Variants in IKBIP observed in about 807,000 individuals in gnomAD.
IKBIP encodes inhibitor of nuclear factor kappa-B kinase-interacting protein.
Under a neutral mutation model 31.0 loss-of-function variants are expected in IKBIP, and 28 were observed. The ratio of observed to expected loss-of-function variants is 0.90; its 90% CI spans 0.67 to 1.24. The LOEUF is 1.24. Ranked by LOEUF, IKBIP falls within the 50% of genes most tolerant of loss-of-function variation. The pLI is 0.00. For missense variants in IKBIP, 453 were observed against 441.9 expected (o/e 1.03, Z -0.23); for synonymous variants, 164 against 160.3 (o/e 1.02, Z -0.17).
intron 2 of IKBIP, among the ~76,000 whole-genome samples, chr12:98,627,668 G>A (rs992465580): frequency 1.1e-4 from 17 of 152,008 alleles, no homozygotes; most frequent in African/African-American, 3.9e-4. Flanking sequence ...TCGATCCCCT[G>A]ACCTCGTGAT....
intron 1 of IKBIP, among the ~76,000 whole-genome samples, chr12:98,637,699 G>A (rs977900650): frequency 1.3e-5 from 2 of 150,926 alleles, no homozygotes; most frequent in African/African-American, 2.4e-5. Flanking sequence ...GAGCCACCGC[G>A]CCCGGCTTTT....
chr12:98,622,846 A>G (rs1201192493), downstream of IKBIP, among the ~76,000 whole-genome samples: 1 of 152,082 alleles, frequency 6.6e-6, no homozygotes, highest in East Asian at 1.9e-4. Context: ...TAATTAGTCA[A>G]TAGTTTCTGA....
At position 98,613,958 on chromosome 12, in the gene IKBIP, G is replaced by A. The variant is rs199829512; in HGVS notation, c.680C>T (p.Thr227Met). 5.0e-5 allele frequency: 81 copies of A among 1,613,502 alleles called. 1 individual carries two copies. Among genetic ancestry groups the A allele is most frequent in the South Asian group, 4.7e-4 (43 of 90,906 alleles). The change falls in exon 3 of 3, where the codon ACG (threonine) becomes ATG (methionine). Residue 227 changes from threonine (T) to methionine (M), a missense_variant. Coordinates refer to the IKBIP transcript ENST00000342502. ...ATTTTCAGATGCTGTCTTTCGGAGC[G>A]TTGCTGTTCGATCAATACTGCTTGA...
intron 1 of IKBIP, among the ~76,000 whole-genome samples, chr12:98,642,941 T>C (rs1480640585): frequency 1.3e-5 from 2 of 150,958 alleles, no homozygotes; most frequent in African/African-American, 4.9e-5. Flanking sequence ...AATCACTTTA[T>C]TGTGACAAAA....
rs560483393 is a variant in IKBIP at position 98,633,724 on chromosome 12, C to T, written c.297+572G>A. 4.6e-5 allele frequency among the ~76,000 whole-genome samples: 7 copies of T among 152,002 alleles called. No homozygotes were observed. The South Asian group carries it at 1.5e-3, about 32-fold the overall frequency. The stretch of plus-strand genomic sequence containing the variant: ...AGAGATGGGGTTTCACCATGTTGGC[C>T]AGGCTGGTCTCCTAACTCCTGACCT... On this transcript the variant is annotated intron_variant, in intron 2 of 2. Coordinates refer to ENST00000299157, the MANE Select transcript of IKBIP (RefSeq NM_153687.4).
intron 2 of IKBIP, among the ~76,000 whole-genome samples, chr12:98,633,771 C>A (rs1388371448): frequency 6.6e-6 from 1 of 152,074 alleles, no homozygotes; most frequent in Non-Finnish European, 1.5e-5. Flanking sequence ...CCTGGCTCAG[C>A]CTCCCACAGT....
downstream of IKBIP, among the ~76,000 whole-genome samples, chr12:98,622,102 TG>T (rs201252061): frequency 0.013 from 1,982 of 150,238 alleles, 14 homozygotes; most frequent in Middle Eastern, 0.018. Flanking sequence ...GGAATGATTA[TG>T]ATGAATGTAC....
chr12:98,615,904 CACTT>C (rs1407288535), intron 2 of IKBIP, among the ~76,000 whole-genome samples: 1 of 151,904 alleles, frequency 6.6e-6, no homozygotes, highest in Non-Finnish European at 1.5e-5. Context: ...TGTTGATTGA[CACTT>C]AGGTTGATTC....
Position 98,618,625 on chromosome 12 carries a change from C to CCA in IKBIP, c.298-4286_298-4285insTG, listed in dbSNP as rs777026078. ...TGGGCGACAGAGCCAGACTCTGTCTCAAAAAAAAAAAAAAAAATTTGAGAT... is the reference window on the plus strand; with the variant it reads ...TGGGCGACAGAGCCAGACTCTGTCTCCAAAAAAAAAAAAAAAAAATTTGAGAT... On this transcript the variant is annotated intron_variant, in intron 2 of 2. Coordinates refer to the IKBIP transcript ENST00000342502. 1.9e-3 allele frequency among the ~76,000 whole-genome samples: 240 copies of CCA among 126,852 alleles called. 1 individual carries two copies. Among genetic ancestry groups the CCA allele is most frequent in the African/African-American group, 6.4e-3 (222 of 34,490 alleles). The allele number at this position is 126,852 out of a possible 152,430, so 83.2% of individuals were successfully genotyped here.
rs1367694059 is a variant in IKBIP at position 98,625,373 on chromosome 12, C to G, written c.*557G>C. 11 of 796,860 alleles carry G rather than the reference C, an allele frequency of 1.4e-5. No individual in the cohort carries two copies. The highest frequency in any genetic ancestry group is 1.5e-5 in the Non-Finnish European group (10 of 658,066). 49.4% of individuals were successfully genotyped at this position (796,860 alleles called of 1,614,324 possible). A position where few individuals can be genotyped will look rare whatever the true frequency, so the allele number is the denominator to read the frequency against. On this transcript the variant is annotated 3_prime_UTR_variant, in exon 3 of 3. Coordinates refer to ENST00000299157, the MANE Select transcript of IKBIP (RefSeq NM_153687.4). ...TAATTCATAGCAAAGGCACCAGGCTCTCCCTCAGGCATGTTATCTTTTATT... is the reference window on the plus strand; with the variant it reads ...TAATTCATAGCAAAGGCACCAGGCTGTCCCTCAGGCATGTTATCTTTTATT...
chr12:98,642,764 C>A (rs2097631738), intron 1 of IKBIP, among the ~76,000 whole-genome samples: 1 of 150,740 alleles, frequency 6.6e-6, no homozygotes, highest in Non-Finnish European at 1.5e-5. Flanking sequence ...CCATGCCTGG[C>A]TTTTTTGTAT....
chr12:98,626,776 T>C lies in IKBIP; in HGVS notation c.298-10A>G. 1 of 1,577,606 alleles carries C rather than the reference T, an allele frequency of 6.3e-7. No homozygotes were observed. The highest frequency in any genetic ancestry group is 8.6e-7 in the Non-Finnish European group (1 of 1,161,992). The stretch of plus-strand genomic sequence containing the variant: ...TTTCAGTAGACTCAAGCTGCATTTA[T>C]AACACAAAACAATTCCCAAGGCTAC... On this transcript the variant is annotated splice_polypyrimidine_tract_variant and intron_variant, in intron 2 of 2. Transcript: ENST00000299157.
chr12:98,637,448 C>T (rs191702237), intron 1 of IKBIP, among the ~76,000 whole-genome samples: 19 of 152,274 alleles, frequency 1.2e-4, no homozygotes, highest in African/African-American at 3.6e-4. Flanking sequence ...CTCACTCTGT[C>T]ACCAGGCTGG....
Position 98,626,549 on chromosome 12 carries a change from A to G in IKBIP, c.515T>C (p.Ile172Thr). ...SLEEMNINTD[I>T]FKSEAKHIHS... ...TATATGTTTTGCTTCTGATTTGAAA[A>G]TGTCTGTATTAATGTTCATTTCTTC... Residue 172 changes from isoleucine (I) to threonine (T), a missense_variant, in exon 3 of 3, where the codon ATT (isoleucine) becomes ACT (threonine). Transcript: ENST00000299157. 2.5e-6 allele frequency: 4 copies of G among 1,612,982 alleles called. No homozygotes were observed. Among genetic ancestry groups the G allele is most frequent in the Non-Finnish European group, 3.4e-6 (4 of 1,179,484 alleles).
downstream of IKBIP, among the ~76,000 whole-genome samples, chr12:98,623,869 T>C (rs1466281080): frequency 6.6e-6 from 1 of 151,162 alleles, no homozygotes; most frequent in Non-Finnish European, 1.5e-5. Flanking sequence ...AATAAATGAA[T>C]GGAAGAAAGA....
intron 1 of IKBIP, among the ~76,000 whole-genome samples, chr12:98,639,999 A>G (rs762949517): frequency 6.6e-6 from 1 of 152,228 alleles, no homozygotes; most frequent in Non-Finnish European, 1.5e-5. Context: ...AAAGCTGGAA[A>G]TGGAGTTAGC....
At chr12:98,614,692 C>T (rs1162854404) in intron 2 of IKBIP, among the ~76,000 whole-genome samples, 2 of 152,108 alleles carry the variant, frequency 1.3e-5, no homozygotes, top group Non-Finnish European at 2.9e-5. Flanking sequence ...CTCCTAAATC[C>T]ATGCCTGGGA....
At chr12:98,633,141 C>G (rs1431860788) in intron 2 of IKBIP, among the ~76,000 whole-genome samples, 1 of 152,126 alleles carries the variant, frequency 6.6e-6, no homozygotes, top group East Asian at 1.9e-4. Context: ...TTTACAACAT[C>G]CTTACCCACC....
chr12:98,630,376 CAAAAAAAAAAAAAAAAAAAAAAAA>C (rs61623957), intron 2 of IKBIP, among the ~76,000 whole-genome samples: 6 of 41,314 alleles, frequency 1.5e-4, no homozygotes, highest in Non-Finnish European at 2.4e-4. Context: ...AGAGCCTGGG[CAAAAAAAAAAAAAAAAAAAAAAAA>C]AAAAAAAAAA....
Sources: gnomAD v4.1 joint callset for allele counts (sites outside exome capture counted in the v4.1 genomes callset) on GRCh38, gnomAD v4.1.1 for gene constraint, MANE v1.5 for transcripts, NCBI Gene and HGNC (gene_info 2026-07-23, HGNC 2026-07-21) for gene names.